DOK6: variants seen among roughly 807,000 people sequenced by gnomAD.
The protein encoded by DOK6 is docking protein 6.
DOK6 carries 22 observed loss-of-function variants against 44.0 expected under a neutral mutation model. That is an observed-to-expected ratio of 0.50 (90% CI 0.36 to 0.71). DOK6 has a LOEUF of 0.71. Among genes scored for constraint, DOK6 ranks in the 30% least tolerant of loss-of-function variants. The pLI, the probability that DOK6 is intolerant of heterozygous loss-of-function variation, is 0.00. For synonymous variants in DOK6, 166 were observed against 145.5 expected (o/e 1.14, Z -1.01); for missense variants, 340 against 416.4 (o/e 0.82, Z 1.60).
In DOK6 at chr18:69,694,571, A is replaced by T. The variant is rs923191672; in HGVS notation, c.410-3833A>T. On this transcript the variant is annotated intron_variant, in intron 4 of 7. Coordinates refer to ENST00000382713, the MANE Select transcript of DOK6 (RefSeq NM_152721.6). ...CATATTAGCTAATATGGGACTCTAA[A>T]TTTTACCAACATACAAATTCACAGG... 2.6e-5 allele frequency among the ~76,000 whole-genome samples: 4 copies of T among 152,000 alleles called. No homozygotes were observed. In the East Asian group the frequency reaches 7.7e-4, roughly 29 times the overall value.
rs186266493 is a variant in DOK6, at chr18:69,481,401, G to A, written c.66+80091G>A. On this transcript the variant is annotated intron_variant, in intron 1 of 7. Transcript: ENST00000382713. ...CCCCCACCCCACAACAGGCCCCAGT[G>A]TGTGATGTTCCCCTTCCTGTGTCCA... Among the ~76,000 whole-genome samples the A allele has an allele frequency of 7.4e-4, 112 of 152,048 alleles. 1 individual carries two copies. The highest frequency in any genetic ancestry group is 2.4e-3 in the African/African-American group (100 of 41,466).
chr18:69,734,393 C>CAAAAAAAAA (rs60831756), intron 5 of DOK6, among the ~76,000 whole-genome samples: 19 of 48,486 alleles, frequency 3.9e-4, no homozygotes, highest in East Asian at 2.9e-3. Flanking sequence ...TTCATAGCAG[C>CAAAAAAAAA]AAAAAAAAAA....
chr18:69,718,842 G>C (rs970122052), intron 5 of DOK6, among the ~76,000 whole-genome samples: 4 of 151,956 alleles, frequency 2.6e-5, no homozygotes, highest in African/African-American at 9.7e-5. Flanking sequence ...TACTGGAAAA[G>C]AGAATCAAGA....
In DOK6 at chr18:69,835,332, G is replaced by C. The variant is rs190305639; in HGVS notation, c.857-5912G>C. Among the ~76,000 whole-genome samples the C allele has an allele frequency of 7.2e-5, 11 of 152,232 alleles. No homozygotes were observed. The East Asian group carries it at 2.1e-3, about 29-fold the overall frequency. The stretch of plus-strand genomic sequence containing the variant: ...CAAAAAAAATTAGTTGGGTATGGTG[G>C]TGGGCGCCTGTAGTCCCAGCTACTG... On this transcript the variant is annotated intron_variant, in intron 7 of 7. Transcript: ENST00000382713.
chr18:69,593,611 ACAT>A (rs1187028240), intron 2 of DOK6, among the ~76,000 whole-genome samples: 3 of 152,216 alleles, frequency 2.0e-5, no homozygotes, highest in Non-Finnish European at 2.9e-5. Context: ...TGTTTGACCT[ACAT>A]CATCTGTCAG....
chr18:69,587,682 A>ACT (rs1983535216), intron 2 of DOK6, among the ~76,000 whole-genome samples: 1 of 152,086 alleles, frequency 6.6e-6, no homozygotes, highest in African/African-American at 2.4e-5. Flanking sequence ...TGCAGCTCTC[A>ACT]AAGTAAGAGC....
At chr18:69,785,758 A>G (rs1980411117) in intron 7 of DOK6, among the ~76,000 whole-genome samples, 1 of 152,098 alleles carries the variant, frequency 6.6e-6, no homozygotes. Context: ...TGTCCATTAT[A>G]TTATTCATTT....
chr18:69,494,811 T>C (rs1244900243), intron 1 of DOK6, among the ~76,000 whole-genome samples: 26 of 152,238 alleles, frequency 1.7e-4, no homozygotes, highest in Admixed American at 1.6e-3. Context: ...TTAATCATAC[T>C]GTTGCAGGAT....
chr18:69,800,183 A>G (rs1190668980), intron 7 of DOK6, among the ~76,000 whole-genome samples: 1 of 152,000 alleles, frequency 6.6e-6, no homozygotes, highest in Non-Finnish European at 1.5e-5. Flanking sequence ...CCACTAATCT[A>G]TGGATTTACC....
chr18:69,471,063 A>G (rs2122488788), intron 1 of DOK6, among the ~76,000 whole-genome samples: 1 of 152,006 alleles, frequency 6.6e-6, no homozygotes, highest in Middle Eastern at 3.4e-3. Context: ...CAGCCTGACC[A>G]ATATAGAGAA....
At chr18:69,585,490 T>C (rs1335285954) in intron 2 of DOK6, among the ~76,000 whole-genome samples, 1 of 152,358 alleles carries the variant, frequency 6.6e-6, no homozygotes, top group East Asian at 1.9e-4. Context: ...TAGGGCCACA[T>C]AGATAATATA....
At chr18:69,764,472 A>G (rs1466014853) in intron 7 of DOK6, among the ~76,000 whole-genome samples, 1 of 152,112 alleles carries the variant, frequency 6.6e-6, no homozygotes, top group Non-Finnish European at 1.5e-5. Flanking sequence ...TCTCCTTGTG[A>G]TAGTGAGTGA....
At position 69,548,881 on chromosome 18, in the gene DOK6, C is replaced by T. The variant is rs574384037; in HGVS notation, c.67-15606C>T. Among the ~76,000 whole-genome samples the T allele has an allele frequency of 9.9e-4, 150 of 151,428 alleles. 1 individual carries two copies. The highest frequency in any genetic ancestry group is 3.5e-3 in the African/African-American group (147 of 41,470). On this transcript the variant is annotated intron_variant, in intron 1 of 7. Coordinates refer to ENST00000382713, the MANE Select transcript of DOK6 (RefSeq NM_152721.6). Reference sequence around the variant, plus strand: ...GGCCGAGGCGGGCGGATCACGAGGTCAGGAGATCAAGACCATCCTGGCTAA... The same window carrying T: ...GGCCGAGGCGGGCGGATCACGAGGTTAGGAGATCAAGACCATCCTGGCTAA...
At chr18:69,762,742 A>C (rs977942027) in intron 7 of DOK6, among the ~76,000 whole-genome samples, 4 of 152,196 alleles carry the variant, frequency 2.6e-5, no homozygotes, top group Non-Finnish European at 5.9e-5. Context: ...ATTCTATAGT[A>C]AGACACCTAT....
At chr18:69,615,452 T>C (rs1372759649) in intron 3 of DOK6, among the ~76,000 whole-genome samples, 1 of 152,250 alleles carries the variant, frequency 6.6e-6, no homozygotes, top group East Asian at 1.9e-4. Context: ...GAATAAAATT[T>C]CTGGTTTATA....
At chr18:69,482,952 A>G (rs1980471551) in intron 1 of DOK6, among the ~76,000 whole-genome samples, 3 of 151,966 alleles carry the variant, frequency 2.0e-5, no homozygotes, top group South Asian at 2.1e-4. Context: ...AACTTGTGTC[A>G]TGGGGGTTTG....
intron 5 of DOK6, among the ~76,000 whole-genome samples, chr18:69,703,040 C>G (rs7239534): frequency 0.67 from 100,950 of 151,350 alleles, 34,073 homozygotes; most frequent in East Asian, 0.89. Flanking sequence ...AATTAATGCT[C>G]TCTCCGAGGG....
chr18:69,603,695 C>T (rs7242284), intron 3 of DOK6, among the ~76,000 whole-genome samples: 4,016 of 149,148 alleles, frequency 0.027, 156 homozygotes, highest in African/African-American at 0.095. Context: ...GGCGTGAACC[C>T]GGGAGGCGGA....
chr18:69,671,919 G>A (rs112255750), intron 3 of DOK6, among the ~76,000 whole-genome samples: 2,759 of 152,266 alleles, frequency 0.018, 77 homozygotes, highest in African/African-American at 0.064. Flanking sequence ...ATTTCTTAAA[G>A]TTGACTGGGA....
Sources: gnomAD v4.1 joint callset for allele counts (sites outside exome capture counted in the v4.1 genomes callset) on GRCh38, gnomAD v4.1.1 for gene constraint, MANE v1.5 for transcripts, NCBI Gene and HGNC (gene_info 2026-07-23, HGNC 2026-07-21) for gene names.